The following DDX60 variants were observed in gnomAD, a reference collection of about 807,000 sequenced individuals.
DDX60 encodes probable ATP-dependent RNA helicase DDX60.
In DDX60, 165 loss-of-function variants were observed where a neutral mutation model predicts 212.8. That is an observed-to-expected ratio of 0.78 (90% CI 0.68 to 0.88). The LOEUF (loss-of-function observed/expected upper bound fraction) is 0.88. DDX60 is among the 40% of genes least tolerant of loss of function. The pLI is 0.00. For synonymous variants in DDX60, 703 were observed against 685.3 expected (o/e 1.03, Z -0.40); for missense variants, 1,905 against 2,003.9 (o/e 0.95, Z 0.94).
intron 7 of DDX60, 55 bp downstream of exon 7, chr4:168,293,732 A>C: frequency 7.0e-7 from 1 of 1,433,446 alleles, no homozygotes; most frequent in Non-Finnish European, 9.4e-7. Context: ...CAAATCAACA[A>C]AATTTCAAAT....
Position 168,276,156 on chromosome 4 carries a change from T to C in DDX60, c.2004A>G (p.Ile668Met). 6.2e-7 allele frequency: 1 copy of C among 1,610,014 alleles called. No individual in the cohort carries two copies. The highest frequency in any genetic ancestry group is 8.5e-7 in the Non-Finnish European group (1 of 1,177,946). Reference protein sequence around the residue: ...EEGKTTKDLSIAVQVMKRIHS... With the variant: ...EEGKTTKDLSMAVQVMKRIHS... The stretch of plus-strand genomic sequence containing the variant: ...GGATCCTTTTCATCACCTGAACAGC[T>C]ATACTTAAATCTTTCGTGGTTTTAC... Residue 668 changes from isoleucine (I) to methionine (M), a missense_variant, in exon 15 of 38, where the codon ATA (isoleucine) becomes ATG (methionine). By Grantham distance (10) the Ile-to-Met change is conservative. Coordinates refer to ENST00000393743, the MANE Select transcript of DDX60 (RefSeq NM_017631.6).
At chr4:168,252,449 T>G in intron 27 of DDX60, 60 bp downstream of exon 27, 7 of 1,598,266 alleles carry the variant, frequency 4.4e-6, no homozygotes, top group Non-Finnish European at 6.0e-6. Flanking sequence ...TATCTACAAC[T>G]AACAAGCTAT....
intron 26 of DDX60, among the ~76,000 whole-genome samples, chr4:168,254,824 G>A (rs1482083820): frequency 6.6e-6 from 1 of 152,156 alleles, no homozygotes; most frequent in African/African-American, 2.4e-5. Context: ...AAAGGAAGAG[G>A]TAGAAAAGTA....
intron 27 of DDX60, 22 bp downstream of exon 27, chr4:168,252,487 C>T (rs748572775): frequency 1.9e-5 from 30 of 1,611,620 alleles, no homozygotes; most frequent in African/African-American, 5.3e-5. Flanking sequence ...GTTTGGAGAA[C>T]GATCAGGTTG....
chr4:168,263,912 G>A (rs1340129214), intron 22 of DDX60, among the ~76,000 whole-genome samples: 2 of 152,132 alleles, frequency 1.3e-5, no homozygotes, highest in Admixed American at 1.3e-4. Context: ...GTATCAAATA[G>A]GATTCTTTGG....
intron 33 of DDX60, among the ~76,000 whole-genome samples, chr4:168,231,741 T>A (rs1733462574): frequency 6.6e-6 from 1 of 151,744 alleles, no homozygotes; most frequent in South Asian, 2.1e-4. Flanking sequence ...TCTAAGACAA[T>A]CCCACAGTCA....
intron 30 of DDX60, among the ~76,000 whole-genome samples, chr4:168,243,087 C>G (rs1310589598): frequency 6.6e-6 from 1 of 152,190 alleles, no homozygotes; most frequent in Non-Finnish European, 1.5e-5. Context: ...TGACTTGCTC[C>G]TCCTTGCCTT....
Position 168,255,767 on chromosome 4 carries a change from A to T in DDX60, c.3501T>A (p.His1167Gln), listed in dbSNP as rs769793867. The T allele has an allele frequency of 2.1e-5, 33 of 1,605,492 alleles. No individual in the cohort carries two copies. The South Asian group carries it at 2.4e-4, about 12-fold the overall frequency. ...KRPPKADKEA[H>Q]VMANKLRKVK... Reference sequence around the variant, plus strand: ...CTTTTCGAAGTTTGTTAGCCATGACATGGGCTTCTTTATCAGCTTTGGGAG... The same window carrying T: ...CTTTTCGAAGTTTGTTAGCCATGACTTGGGCTTCTTTATCAGCTTTGGGAG... The change falls in exon 26 of 38, where the codon CAT becomes CAA. Residue 1167 changes from histidine to glutamine, a missense_variant. Coordinates refer to ENST00000393743, the MANE Select transcript of DDX60 (RefSeq NM_017631.6).
At chr4:168,257,509 CCT>C (rs1199994501) in intron 25 of DDX60, among the ~76,000 whole-genome samples, 2 of 152,228 alleles carry the variant, frequency 1.3e-5, no homozygotes, top group Middle Eastern at 3.4e-3. Context: ...CCTGCAGGCC[CCT>C]GTTCTCAAAT....
intron 24 of DDX60, among the ~76,000 whole-genome samples, chr4:168,261,426 A>G (rs982246201): frequency 6.6e-6 from 1 of 152,218 alleles, no homozygotes; most frequent in Non-Finnish European, 1.5e-5. Flanking sequence ...ATGGGAGTAG[A>G]TTAAGGTATT....
intron 3 of DDX60, among the ~76,000 whole-genome samples, chr4:168,309,208 C>T (rs530583134): frequency 2.0e-5 from 3 of 152,196 alleles, no homozygotes; most frequent in East Asian, 1.9e-4. Flanking sequence ...ATGGTTCTTG[C>T]GTATTTTTCC....
Position 168,220,066 on chromosome 4 carries a change from G to C in DDX60, c.5039+589C>G, listed in dbSNP as rs568738897. On this transcript the variant is annotated intron_variant, in intron 37 of 37. Transcript: ENST00000393743. ...AAAAAAGAAAAGAAAAAGAAAGATG[G>C]ACATGCAACTAAGCAACAGTAGATG... Among the ~76,000 whole-genome samples, 4 of 152,020 alleles carry C rather than the reference G, an allele frequency of 2.6e-5. No homozygotes were observed. The South Asian group carries it at 8.3e-4, about 32-fold the overall frequency.
chr4:168,238,347 A>C (rs2149497227), intron 30 of DDX60, among the ~76,000 whole-genome samples: 1 of 148,300 alleles, frequency 6.7e-6, no homozygotes, highest in Admixed American at 6.8e-5. Context: ...CTATAAGGTT[A>C]ATGGACTAGG....
Position 168,288,261 on chromosome 4 carries a change from T to A in DDX60, c.1096A>T (p.Asn366Tyr), listed in dbSNP as rs1735945495. 2 of 1,507,088 alleles carry A rather than the reference T, an allele frequency of 1.3e-6. No homozygotes were observed. Among genetic ancestry groups the A allele is most frequent in the South Asian group, 2.4e-5 (2 of 83,532 alleles). 93.4% of individuals were successfully genotyped at this position (1,507,088 alleles called of 1,614,324 possible). A position where few individuals can be genotyped will look rare whatever the true frequency, so the allele number is the denominator to read the frequency against. Residue 366 changes from asparagine (N) to tyrosine (Y), a missense_variant, in exon 9 of 38, where the codon AAT becomes TAT. Physicochemically the swap from Asn to Tyr is moderately radical, Grantham distance 143 (BLOSUM62 -2). Coordinates refer to ENST00000393743, the MANE Select transcript of DDX60 (RefSeq NM_017631.6). ...TCAGAAAGGTGAATTAAATTCAGAT[T>A]CCAAAATTCAAAAGTATGTATATTT... Reference protein sequence around the residue: ...LRNIHTFEFWNLNLIHLSDLN... With the variant: ...LRNIHTFEFWYLNLIHLSDLN...
intron 30 of DDX60, among the ~76,000 whole-genome samples, chr4:168,238,544 G>A (rs1490635451): frequency 2.0e-5 from 3 of 151,710 alleles, no homozygotes; most frequent in Admixed American, 2.0e-4. Context: ...AAGAAAGAGT[G>A]GAAGCGTAGA....
At chr4:168,254,199 G>A (rs1010467111) in intron 26 of DDX60, among the ~76,000 whole-genome samples, 22 of 152,242 alleles carry the variant, frequency 1.4e-4, no homozygotes, top group Admixed American at 1.2e-3. Flanking sequence ...AATGAGCTCC[G>A]GGTGGGCATG....
At chr4:168,223,090 T>C (rs961097739) in intron 35 of DDX60, among the ~76,000 whole-genome samples, 3 of 152,086 alleles carry the variant, frequency 2.0e-5, no homozygotes, top group African/African-American at 2.4e-5. Context: ...TTGTAATATG[T>C]AGTTTTTAAA....
chr4:168,259,975 A>T (rs1277830801), intron 25 of DDX60, among the ~76,000 whole-genome samples: 2 of 152,250 alleles, frequency 1.3e-5, no homozygotes, highest in South Asian at 2.1e-4. Context: ...AACAAGGCTA[A>T]ATAAAAAATA....
chr4:168,235,692 A>AAT (rs1733607780), intron 33 of DDX60, among the ~76,000 whole-genome samples: 3 of 152,106 alleles, frequency 2.0e-5, no homozygotes, highest in Admixed American at 2.0e-4. Flanking sequence ...GTATAATAGT[A>AAT]ATAGTATTTG....
Sources: gnomAD v4.1 joint callset for allele counts (sites outside exome capture counted in the v4.1 genomes callset) on GRCh38, gnomAD v4.1.1 for gene constraint, MANE v1.5 for transcripts, NCBI Gene and HGNC (gene_info 2026-07-23, HGNC 2026-07-21) for gene names.